Variants in NUS1 observed in about 807,000 individuals in gnomAD.
NUS1 encodes dehydrodolichyl diphosphate synthase complex subunit NUS1.
For missense variants in NUS1, 292 were observed against 382.9 expected (o/e 0.76, Z 1.98); for synonymous variants, 135 against 155.2 (o/e 0.87, Z 0.97).
chr6:117,707,051 G>A lies in NUS1; in HGVS notation c.*36G>A, dbSNP rs1346666222. On this transcript the variant is annotated 3_prime_UTR_variant, in exon 5 of 5. Coordinates refer to ENST00000368494, the MANE Select transcript of NUS1 (RefSeq NM_138459.5). ...TTGCATAATTTGATTTGAGGCTTGT[G>A]GAGGAAAGGAACCAAGTGACTCTGA... 3.2e-6 allele frequency: 5 copies of A among 1,574,766 alleles called. No individual in the cohort carries two copies. Among genetic ancestry groups the A allele is most frequent in the Non-Finnish European group, 4.4e-6 (5 of 1,145,480 alleles).
At chr6:117,701,833 C>T (rs1391454092) in intron 3 of NUS1, among the ~76,000 whole-genome samples, 2 of 151,784 alleles carry the variant, frequency 1.3e-5, no homozygotes, top group Non-Finnish European at 2.9e-5. Context: ...ATTACTCCTG[C>T]TGTCTCTGCT....
chr6:117,691,548 CATAGAT>C (rs1199535981), intron 1 of NUS1, among the ~76,000 whole-genome samples: 11 of 57,140 alleles, frequency 1.9e-4, no homozygotes, highest in South Asian at 8.2e-4. Context: ...GGTTCTGTGC[CATAGAT>C]ATAGATATAT....
chr6:117,686,214 C>T (rs942797149), intron 1 of NUS1, among the ~76,000 whole-genome samples: 4 of 151,700 alleles, frequency 2.6e-5, no homozygotes, highest in African/African-American at 2.4e-5. Context: ...GAGCCGAGAT[C>T]GCGCCACTGC....
intron 1 of NUS1, among the ~76,000 whole-genome samples, chr6:117,688,878 C>T (rs1399561813): frequency 7.2e-5 from 11 of 152,124 alleles, no homozygotes; most frequent in African/African-American, 2.4e-5. Context: ...GTTTTTTTGG[C>T]ACCCCCTTAA....
In NUS1 at chr6:117,694,216, T is replaced by C. The variant is rs899822152; in HGVS notation, c.691+36T>C. The C allele has an allele frequency of 9.9e-6, 12 of 1,206,744 alleles. No individual in the cohort carries two copies. In the South Asian group the frequency reaches 1.1e-4, roughly 11 times the overall value. The allele number at this position is 1,206,744 out of a possible 1,614,324, so 74.8% of individuals were successfully genotyped here. On this transcript the variant is annotated intron_variant, in intron 3 of 4. Transcript: ENST00000368494. The stretch of plus-strand genomic sequence containing the variant: ...TTATATATATATACATATATATGTA[T>C]ATGTATGTGTGTGTGTTTAGTTTTG...
intron 4 of NUS1, among the ~76,000 whole-genome samples, chr6:117,705,195 A>G (rs1485504513): frequency 6.6e-6 from 1 of 152,134 alleles, no homozygotes; most frequent in Non-Finnish European, 1.5e-5. Context: ...GTGAATTAGA[A>G]CCCAGATCTC....
chr6:117,675,592 G>C lies in NUS1; in HGVS notation c.-79G>C, dbSNP rs1416858831. The C allele has an allele frequency of 3.8e-5, 54 of 1,422,222 alleles. No individual in the cohort carries two copies. Among genetic ancestry groups the C allele is most frequent in the Non-Finnish European group, 4.5e-5 (47 of 1,051,682 alleles). The allele number at this position is 1,422,222 out of a possible 1,614,324, so 88.1% of individuals were successfully genotyped here. ...GGGACGCGGAGCGATGGCCCGCGCC[G>C]GCCGCAGGGGCGGATAAAAAGCCGT... On this transcript the variant is annotated 5_prime_UTR_variant, in exon 1 of 5. Coordinates refer to ENST00000368494, the MANE Select transcript of NUS1 (RefSeq NM_138459.5).
At chr6:117,682,522 G>A (rs770916510) in intron 1 of NUS1, among the ~76,000 whole-genome samples, 6 of 152,210 alleles carry the variant, frequency 3.9e-5, no homozygotes, top group East Asian at 3.9e-4. Flanking sequence ...GATTACTTGA[G>A]TCCTGGAGGT....
intron 1 of NUS1, among the ~76,000 whole-genome samples, chr6:117,682,179 C>T (rs969267932): frequency 1.3e-5 from 2 of 152,214 alleles, no homozygotes; most frequent in African/African-American, 4.8e-5. Flanking sequence ...GAAGTAGCCT[C>T]TCTCGACTGT....
At chr6:117,686,000 G>A (rs150757307) in intron 1 of NUS1, among the ~76,000 whole-genome samples, 4,668 of 146,666 alleles carry the variant, frequency 0.032, 70 homozygotes, top group East Asian at 0.067. Context: ...CGTGGCTCAC[G>A]CCTGTAATCC....
chr6:117,703,489 GTAGTT>G (rs1773457806), intron 3 of NUS1, 111 bp from the exon 4 acceptor site: 1 of 746,826 alleles, frequency 1.3e-6, no homozygotes, highest in Non-Finnish European at 2.3e-6. Flanking sequence ...AAGAAAACAG[GTAGTT>G]TAAAGAACCA....
rs1251201248 is a variant in NUS1, at chr6:117,697,109, C to T, written c.691+2929C>T. On this transcript the variant is annotated intron_variant, in intron 3 of 4. Coordinates refer to ENST00000368494, the MANE Select transcript of NUS1 (RefSeq NM_138459.5). ...ATCAGCTTAAAATAATGGGTTATGACAGATAGTATTTGCAAGCCTCATGGT... is the reference window on the plus strand; with the variant it reads ...ATCAGCTTAAAATAATGGGTTATGATAGATAGTATTTGCAAGCCTCATGGT... 2.0e-5 allele frequency among the ~76,000 whole-genome samples: 3 copies of T among 151,930 alleles called. No homozygotes were observed. The East Asian group carries it at 5.8e-4, about 29-fold the overall frequency.
intron 1 of NUS1, among the ~76,000 whole-genome samples, chr6:117,680,925 C>G (rs1022173069): frequency 6.6e-6 from 1 of 152,086 alleles, no homozygotes; most frequent in African/African-American, 2.4e-5. Context: ...TTTTTGGGTA[C>G]AGGTTTCTCA....
intron 1 of NUS1, among the ~76,000 whole-genome samples, chr6:117,690,284 T>C (rs1236224811): frequency 6.7e-6 from 1 of 149,892 alleles, no homozygotes; most frequent in Non-Finnish European, 1.5e-5. Flanking sequence ...TTCATAATTA[T>C]TGTGGGCATT....
chr6:117,701,245 CT>C (rs1181868381), intron 3 of NUS1, among the ~76,000 whole-genome samples: 45,283 of 120,198 alleles, frequency 0.38, 8,299 homozygotes, highest in Non-Finnish European at 0.53. Flanking sequence ...TTCTAATTTT[CT>C]TTTTTTTTTT....
intron 1 of NUS1, among the ~76,000 whole-genome samples, chr6:117,684,066 T>C (rs1773101730): frequency 1.3e-5 from 2 of 152,248 alleles, no homozygotes; most frequent in Non-Finnish European, 2.9e-5. Context: ...CTTCCAAATG[T>C]TGTGGTGTCC....
chr6:117,695,193 CAAAAAAAA>C lies in NUS1; in HGVS notation c.691+1034_691+1041del, dbSNP rs58136219. Among the ~76,000 whole-genome samples, 40 of 55,240 alleles carry C rather than the reference CAAAAAAAA, an allele frequency of 7.2e-4. No individual in the cohort carries two copies. The South Asian group carries it at 8.7e-3, about 12-fold the overall frequency. 36.2% of individuals were successfully genotyped at this position (55,240 alleles called of 152,430 possible). On this transcript the variant is annotated intron_variant, in intron 3 of 4. Coordinates refer to ENST00000368494, the MANE Select transcript of NUS1 (RefSeq NM_138459.5). Reference sequence around the variant, plus strand: ...TGGGTGACGGAGTGAGACCCTGTCTCAAAAAAAAAAAAAAAAAAAAAAAAAAAAGAAAA... The same window carrying C: ...TGGGTGACGGAGTGAGACCCTGTCTCAAAAAAAAAAAAAAAAAAAAGAAAA...
chr6:117,694,230 T>G, intron 3 of NUS1, 50 bp downstream of exon 3: 1 of 1,083,504 alleles, frequency 9.2e-7, no homozygotes, highest in Non-Finnish European at 1.2e-6. Flanking sequence ...TATGTGTGTG[T>G]GTTTAGTTTT....
At chr6:117,700,489 C>T (rs1020862351) in intron 3 of NUS1, among the ~76,000 whole-genome samples, 3 of 152,004 alleles carry the variant, frequency 2.0e-5, no homozygotes, top group Admixed American at 2.0e-4. Flanking sequence ...CAAATGCTAA[C>T]GAGGATGTGG....
Sources: allele counts gnomAD v4.1 joint callset (sites outside exome capture counted in the v4.1 genomes callset), GRCh38; gene constraint gnomAD v4.1.1; transcripts MANE v1.5; gene names NCBI Gene and HGNC (gene_info 2026-07-23, HGNC 2026-07-21).